WWC1: variants seen among roughly 807,000 people sequenced by gnomAD.
The protein encoded by WWC1 is WW and C2 domain containing 1, also known as protein KIBRA.
A neutral mutation model predicts 138.4 loss-of-function variants in WWC1; 55 were observed. The ratio of observed to expected loss-of-function variants is 0.40; its 90% CI spans 0.32 to 0.50. The LOEUF (loss-of-function observed/expected upper bound fraction) is 0.50. Ranked by LOEUF, WWC1 falls within the 20% of genes least tolerant of loss-of-function variation. WWC1 has a pLI of 0.72. For missense variants in WWC1, 1,226 were observed against 1,420.4 expected (o/e 0.86, Z 2.20); for synonymous variants, 524 against 564.9 (o/e 0.93, Z 1.03).
chr5:168,301,995 G>C (rs1373900694), intron 1 of WWC1, among the ~76,000 whole-genome samples: 2 of 152,160 alleles, frequency 1.3e-5, no homozygotes, highest in African/African-American at 4.8e-5. Context: ...AGTCTTATCA[G>C]GGGCAAGCCC....
chr5:168,353,106 T>C (rs951096052), intron 1 of WWC1, among the ~76,000 whole-genome samples: 2 of 152,140 alleles, frequency 1.3e-5, no homozygotes, highest in African/African-American at 4.8e-5. Flanking sequence ...AAGCCCACGT[T>C]CCTTCTACCC....
chr5:168,312,953 C>T (rs767282726), intron 1 of WWC1, among the ~76,000 whole-genome samples: 3 of 151,634 alleles, frequency 2.0e-5, no homozygotes, highest in Admixed American at 6.6e-5. Flanking sequence ...GGACTACAGG[C>T]GTGTGCCACC....
chr5:168,424,248 G>A (rs1027009156), intron 11 of WWC1, among the ~76,000 whole-genome samples, 180 bp downstream of exon 11: 1 of 152,208 alleles, frequency 6.6e-6, no homozygotes, highest in Non-Finnish European at 1.5e-5. Flanking sequence ...TTGAGGTCCT[G>A]TGTGAAGGGT....
chr5:168,403,083 C>CTTTCTTTTT (rs1779503021), intron 5 of WWC1, among the ~76,000 whole-genome samples: 7 of 100,448 alleles, frequency 7.0e-5, no homozygotes, highest in Admixed American at 1.1e-4. Context: ...TCTTTCTTTT[C>CTTTCTTTTT]TTTCTTTTCT....
chr5:168,293,870 T>G (rs1272324589), intron 1 of WWC1, among the ~76,000 whole-genome samples: 1 of 152,214 alleles, frequency 6.6e-6, no homozygotes, highest in Non-Finnish European at 1.5e-5. Context: ...AGCTCTGAAG[T>G]TCTAACCTGC....
intron 11 of WWC1, 122 bp from the exon 12 acceptor site, chr5:168,427,911 T>G: frequency 4.3e-6 from 3 of 701,592 alleles, no homozygotes; most frequent in Non-Finnish European, 7.3e-6. Context: ...CAGTGAGCCA[T>G]GATTGTGCCA....
chr5:168,428,263 G>A (rs912256249), intron 12 of WWC1, 122 bp downstream of exon 12: 30 of 947,968 alleles, frequency 3.2e-5, no homozygotes, highest in East Asian at 2.7e-4. Flanking sequence ...GGAGCCCCAA[G>A]AGGGCATGAC....
intron 17 of WWC1, among the ~76,000 whole-genome samples, chr5:168,449,073 T>G (rs946130299): frequency 4.6e-5 from 7 of 152,332 alleles, no homozygotes; most frequent in African/African-American, 1.2e-4. Flanking sequence ...GCCTTCAGAA[T>G]GTAAATTGGC....
intron 13 of WWC1, 79 bp from the exon 14 acceptor site, chr5:168,430,058 G>A (rs1046254533): frequency 4.9e-6 from 6 of 1,212,962 alleles, no homozygotes; most frequent in Non-Finnish European, 7.2e-6. Context: ...GCCACGTCCT[G>A]TGACTTTTAA....
intron 8 of WWC1, chr5:168,412,248 C>T (rs1374005308): frequency 1.0e-6 from 1 of 953,930 alleles, no homozygotes; most frequent in East Asian, 1.2e-4. Context: ...TGCCCCTCCA[C>T]CCGAAGCTCA....
At chr5:168,441,400 A>G (rs1754743760) in intron 15 of WWC1, among the ~76,000 whole-genome samples, 1 of 152,190 alleles carries the variant, frequency 6.6e-6, no homozygotes, top group Admixed American at 6.5e-5. Flanking sequence ...AGCGGCAAAG[A>G]TGGTAAACTA....
intron 1 of WWC1, among the ~76,000 whole-genome samples, chr5:168,322,104 T>C (rs553357763): frequency 6.6e-6 from 1 of 152,306 alleles, no homozygotes; most frequent in South Asian, 2.1e-4. Context: ...CTTACAAGAA[T>C]ACAGTGGAGT....
chr5:168,421,943 A>G (rs1056782258), intron 9 of WWC1, 65 bp from the exon 10 acceptor site: 16 of 1,408,602 alleles, frequency 1.1e-5, no homozygotes, highest in Non-Finnish European at 1.6e-5. Context: ...CTGGGTGTAC[A>G]TGGGTAAGAG....
intron 1 of WWC1, among the ~76,000 whole-genome samples, chr5:168,308,506 A>G (rs573116740): frequency 1.3e-5 from 2 of 152,278 alleles, no homozygotes; most frequent in South Asian, 2.1e-4. Flanking sequence ...GCAGGAGTTC[A>G]TGGCACTTTA....
chr5:168,423,931 G>A lies in WWC1; in HGVS notation c.1673G>A (p.Gly558Asp), dbSNP rs372188276. The A allele has an allele frequency of 6.2e-7, 1 of 1,613,984 alleles. No individual in the cohort carries two copies. The highest frequency in any genetic ancestry group is 1.3e-5 in the African/African-American group (1 of 74,872). The change falls in exon 11 of 23, where the codon GGT becomes GAT. Residue 558 changes from glycine (G) to aspartate (D), a missense_variant. Gly to Asp is a moderately conservative substitution (Grantham distance 94, BLOSUM62 -1). Coordinates refer to ENST00000265293, the MANE Select transcript of WWC1 (RefSeq NM_015238.3). ...CTCATGGCTGACCCCCTCCTGGCTGGTGATGCCTTCCTCAACTCCTTGGAG... is the reference window on the plus strand; with the variant it reads ...CTCATGGCTGACCCCCTCCTGGCTGATGATGCCTTCCTCAACTCCTTGGAG... The part of the protein sequence containing the change: ...SPLMADPLLA[G>D]DAFLNSLEFE...
intron 17 of WWC1, among the ~76,000 whole-genome samples, chr5:168,445,623 A>C (rs1208213501): frequency 6.8e-6 from 1 of 147,276 alleles, no homozygotes; most frequent in African/African-American, 2.5e-5. Flanking sequence ...AATTGCTTGA[A>C]CCCAGGAGGC....
intron 16 of WWC1, among the ~76,000 whole-genome samples, chr5:168,444,181 A>G (rs1187349897): frequency 2.0e-5 from 3 of 152,222 alleles, no homozygotes; most frequent in African/African-American, 7.2e-5. Context: ...CATTGGTCTG[A>G]TGACACTGTG....
chr5:168,414,456 G>A lies in WWC1; in HGVS notation c.1050G>A (p.Leu350=), dbSNP rs1780445770. 1.3e-6 allele frequency: 2 copies of A among 1,576,678 alleles called. No homozygotes were observed. Among genetic ancestry groups the A allele is most frequent in the East Asian group, 2.3e-5 (1 of 43,136 alleles). ...RLILINEKEE[L]LKEMRFISPR... ...TCCTTATCAACGAGAAGGAGGAGCTGCTGAAGGAGATGCGCTTCATCAGCC... is the reference window on the plus strand; with the variant it reads ...TCCTTATCAACGAGAAGGAGGAGCTACTGAAGGAGATGCGCTTCATCAGCC... The change falls in exon 9 of 23, where the codon CTG becomes CTA. Residue 350 remains leucine, a synonymous_variant. Transcript: ENST00000265293.
intron 12 of WWC1, 116 bp downstream of exon 12, chr5:168,428,257 C>G (rs1781667430): frequency 2.0e-6 from 2 of 1,005,052 alleles, no homozygotes; most frequent in South Asian, 3.2e-5. Flanking sequence ...GTGGGAGGAG[C>G]CCCAAGAGGG....
Sources: allele counts gnomAD v4.1 joint callset (sites outside exome capture counted in the v4.1 genomes callset), GRCh38; gene constraint gnomAD v4.1.1; transcripts MANE v1.5; gene names NCBI Gene and HGNC (gene_info 2026-07-23, HGNC 2026-07-21).